Variants in TMEM266 observed in about 807,000 individuals in gnomAD.
The protein encoded by TMEM266 is transmembrane protein 266, also known as Hv1 related protein 1.
TMEM266 carries 33 observed loss-of-function variants against 50.5 expected under a neutral mutation model. That is an observed-to-expected ratio of 0.65 (90% CI 0.50 to 0.87). TMEM266 has a LOEUF of 0.87. TMEM266 is among the 40% of genes least tolerant of loss of function. The pLI is 0.00. For synonymous variants in TMEM266, 310 were observed against 292.3 expected (o/e 1.06, Z -0.62); for missense variants, 655 against 695.1 (o/e 0.94, Z 0.65).
Position 76,153,230 on chromosome 15 carries a change from T to C in TMEM266, c.228-3374T>C, listed in dbSNP as rs891507737. ...GGTCAAGGTCTGAGTCTCCTGTTGA[T>C]AGGGAACTGAATATATGGAACTAGT... On this transcript the variant is annotated intron_variant, in intron 3 of 10. Transcript: ENST00000388942. This position sits in a 1 kb window ranked among gnomAD's most constrained non-coding sequence, Gnocchi z 4.2. Among the ~76,000 whole-genome samples the C allele has an allele frequency of 2.0e-5, 3 of 152,244 alleles. No homozygotes were observed. The highest frequency in any genetic ancestry group is 2.0e-4 in the Admixed American group (3 of 15,290).
intron 1 of TMEM266, among the ~76,000 whole-genome samples, chr15:76,103,784 C>T (rs2037038937): frequency 6.6e-6 from 1 of 151,070 alleles, no homozygotes; most frequent in African/African-American, 2.4e-5. Context: ...TGATGGTGCA[C>T]ACCTGTAGTC....
chr15:76,136,384 G>T (rs1442703792), intron 2 of TMEM266, among the ~76,000 whole-genome samples: 2 of 152,218 alleles, frequency 1.3e-5, no homozygotes, highest in African/African-American at 4.8e-5. Flanking sequence ...AGATCATAGT[G>T]AGAAGGAACA....
chr15:76,196,155 C>G (rs762415675), intron 9 of TMEM266, among the ~76,000 whole-genome samples: 18 of 152,286 alleles, frequency 1.2e-4, no homozygotes, highest in Non-Finnish European at 2.4e-4. Context: ...TAGGGCAGGC[C>G]CAGGCCTCCC....
intron 9 of TMEM266, among the ~76,000 whole-genome samples, chr15:76,194,517 C>T (rs2038626959): frequency 1.3e-5 from 2 of 152,186 alleles, no homozygotes; most frequent in Admixed American, 6.5e-5. Context: ...GCTAGGACTA[C>T]CATAACAAAA....
chr15:76,109,832 A>C (rs1468308327), intron 1 of TMEM266, among the ~76,000 whole-genome samples: 1 of 148,028 alleles, frequency 6.8e-6, no homozygotes, highest in Non-Finnish European at 1.5e-5. Context: ...CTAATTTTTT[A>C]AATTTTTTGT....
intron 1 of TMEM266, among the ~76,000 whole-genome samples, chr15:76,119,006 G>A (rs1330267006): frequency 6.6e-6 from 1 of 152,100 alleles, no homozygotes; most frequent in Admixed American, 6.5e-5. Flanking sequence ...TTTAACCCTC[G>A]TCATCATGCA....
intron 8 of TMEM266, among the ~76,000 whole-genome samples, chr15:76,187,793 A>G (rs2038510365): frequency 6.6e-6 from 1 of 152,092 alleles, no homozygotes; most frequent in Admixed American, 6.6e-5. Context: ...GGTGCAGCTC[A>G]ATTGGTGGTT....
Position 76,160,168 on chromosome 15 carries a change from G to A in TMEM266, c.456G>A (p.Glu152=). 6.2e-7 allele frequency: 1 copy of A among 1,613,858 alleles called. No homozygotes were observed. The highest frequency in any genetic ancestry group is 8.5e-7 in the Non-Finnish European group (1 of 1,179,710). Residue 152 remains glutamate, a splice_region_variant and synonymous_variant, in exon 5 of 11, where the codon GAG becomes GAA. Transcript: ENST00000388942. The surrounding 1 kb of genome is among the most constrained non-coding windows in gnomAD (Gnocchi z 5.7). ...TCATTCTGTCCGTGTTCTTCTCAGA[G>A]GTAGGTGGAGACTCTGGCCCTGTCA...
intron 3 of TMEM266, among the ~76,000 whole-genome samples, chr15:76,146,939 G>A (rs376613423): frequency 2.0e-5 from 3 of 152,190 alleles, no homozygotes; most frequent in African/African-American, 7.2e-5. Flanking sequence ...GCTTCCTCAC[G>A]GCAGGGATCA....
In TMEM266 at chr15:76,171,146, G is replaced by C. The variant is rs201055855; in HGVS notation, c.652+15G>C. On this transcript the variant is annotated intron_variant, in intron 7 of 10. Coordinates refer to ENST00000388942, the MANE Select transcript of TMEM266 (RefSeq NM_152335.3). ...GGTCATTGATGGTGAGTGGCCCGAGGGGGGTGTGGTCAGTGGGGCTGCTCC... is the reference window on the plus strand; with the variant it reads ...GGTCATTGATGGTGAGTGGCCCGAGCGGGGTGTGGTCAGTGGGGCTGCTCC... 1 of 1,612,840 alleles carries C rather than the reference G, an allele frequency of 6.2e-7. No individual in the cohort carries two copies. Among genetic ancestry groups the C allele is most frequent in the South Asian group, 1.1e-5 (1 of 90,936 alleles).
chr15:76,130,255 CCG>C (rs2037488438), intron 1 of TMEM266, among the ~76,000 whole-genome samples: 3 of 64,022 alleles, frequency 4.7e-5, no homozygotes, highest in East Asian at 4.3e-4. Context: ...AAAAAAAAAA[CCG>C]CCGGGTGCAG....
intron 1 of TMEM266, among the ~76,000 whole-genome samples, chr15:76,107,243 C>A (rs1164630019): frequency 1.3e-5 from 2 of 152,126 alleles, no homozygotes; most frequent in Non-Finnish European, 2.9e-5. Flanking sequence ...ATTTTGCATT[C>A]TTTCATTCAT....
intron 1 of TMEM266, among the ~76,000 whole-genome samples, chr15:76,098,397 A>G (rs1242650323): frequency 1.3e-5 from 2 of 152,102 alleles, no homozygotes; most frequent in Non-Finnish European, 2.9e-5. Flanking sequence ...TTGCCTGGGC[A>G]TCACCAGCAG....
chr15:76,174,866 T>C (rs2038249107), intron 7 of TMEM266: 1 of 152,318 alleles, frequency 6.6e-6, no homozygotes, highest in Non-Finnish European at 1.5e-5. Flanking sequence ...CCCCTTTTCA[T>C]TGCCAAGTAG....
At chr15:76,144,567 G>A (rs1030446288) in intron 3 of TMEM266, among the ~76,000 whole-genome samples, 1 of 152,196 alleles carries the variant, frequency 6.6e-6, no homozygotes, top group African/African-American at 2.4e-5. Flanking sequence ...CCTGTACCAT[G>A]CTGTCAGTGC....
At chr15:76,189,214 C>T (rs1211814675) in intron 8 of TMEM266, among the ~76,000 whole-genome samples, 1 of 149,090 alleles carries the variant, frequency 6.7e-6, no homozygotes, top group Non-Finnish European at 1.5e-5. Flanking sequence ...AAGAAAAAGA[C>T]AGAGAAAGAG....
At chr15:76,141,030 C>T (rs966842839) in intron 3 of TMEM266, among the ~76,000 whole-genome samples, 8 of 152,198 alleles carry the variant, frequency 5.3e-5, no homozygotes, top group Admixed American at 3.9e-4. Flanking sequence ...GAGTGAGACC[C>T]TGTCTCAACA....
At chr15:76,147,813 T>C (rs2037779018) in intron 3 of TMEM266, among the ~76,000 whole-genome samples, 1 of 152,120 alleles carries the variant, frequency 6.6e-6, no homozygotes, top group Admixed American at 6.5e-5. Flanking sequence ...TGCGGAACGC[T>C]TGAGGCCAGG....
At chr15:76,061,708 A>C (rs1296097823) in intron 1 of TMEM266, among the ~76,000 whole-genome samples, 1 of 152,228 alleles carries the variant, frequency 6.6e-6, no homozygotes, top group African/African-American at 2.4e-5. Flanking sequence ...ATTCTCACAC[A>C]CAAGGAGTTG....
Sources: gnomAD v4.1 joint callset for allele counts (sites outside exome capture counted in the v4.1 genomes callset) on GRCh38, gnomAD v4.1.1 for gene constraint, Gnocchi (gnomAD v3.1) non-coding constraint, MANE v1.5 for transcripts, NCBI Gene and HGNC (gene_info 2026-07-23, HGNC 2026-07-21) for gene names.